The following TAOK2 variants were observed in gnomAD, a reference collection of about 807,000 sequenced individuals.
TAOK2 encodes the protein TAO kinase 2, also known as serine/threonine-protein kinase TAO2.
A neutral mutation model predicts 122.5 loss-of-function variants in TAOK2; 42 were observed. That is an observed-to-expected ratio of 0.34 (90% CI 0.27 to 0.44). The LOEUF (loss-of-function observed/expected upper bound fraction) is 0.44. Among genes scored for constraint, TAOK2 ranks in the 20% least tolerant of loss-of-function variants. The probability of loss-of-function intolerance (pLI) is 1.00; values close to 1 mark genes in which losing one functional copy is unlikely to be tolerated. For synonymous variants in TAOK2, 704 were observed against 677.6 expected, an observed-to-expected ratio of 1.04 and a Z score of -0.61; for missense variants, 1,264 against 1,644.9, an observed-to-expected ratio of 0.77 and a Z score of 4.01.
In TAOK2 at chr16:29,976,671, A is replaced by G. The variant is rs999866791; in HGVS notation, c.-35-1067A>G. On this transcript the variant is annotated intron_variant, in intron 1 of 15. Coordinates refer to ENST00000308893, the MANE Select transcript of TAOK2 (RefSeq NM_016151.4). ...TTGGGTGCCCTAGGTGCTCTTCCCA[A>G]TGGCTGGAGTGGTCAGGACAGGCTT... 3.9e-5 allele frequency among the ~76,000 whole-genome samples: 6 copies of G among 152,158 alleles called. No homozygotes were observed. In the East Asian group the frequency reaches 5.8e-4, roughly 15 times the overall value.
At chr16:29,990,667 TGATA>T, downstream of TAOK2, 1 of 983,116 alleles carries the variant, frequency 1.0e-6, no homozygotes, top group Middle Eastern at 2.8e-4. Context: ...TCTTCCATTC[TGATA>T]GATGTTGAGA....
At chr16:29,983,365 C>T (rs368203097) in intron 12 of TAOK2, 33 bp downstream of exon 12, 2 of 1,573,896 alleles carry the variant, frequency 1.3e-6, no homozygotes, top group African/African-American at 1.3e-5. Context: ...ACCCGAGCCA[C>T]CTGCTCTAGA....
At position 29,985,506 on chromosome 16, in the gene TAOK2, G is replaced by C; in HGVS notation, c.1716G>C (p.Gln572His). The C allele has an allele frequency of 6.2e-7, 1 of 1,611,884 alleles. No homozygotes were observed. Among genetic ancestry groups the C allele is most frequent in the Non-Finnish European group, 8.5e-7 (1 of 1,178,906 alleles). Residue 572 changes from glutamine (Q) to histidine (H), a missense_variant, in exon 14 of 16, where the codon CAG (glutamine) becomes CAC (histidine). Transcript: ENST00000308893. This position sits in a 1 kb window ranked among gnomAD's most constrained non-coding sequence, Gnocchi z 6.9. Reference protein sequence around the residue: ...RKFQQHILGQQKKELAALLEA... With the variant: ...RKFQQHILGQHKKELAALLEA... ...TCCAGCAGCACATCCTTGGGCAGCA[G>C]AAGAAGGAGCTGGCTGCCCTGCTGG...
Position 29,983,086 on chromosome 16 carries a change from C to T in TAOK2, c.1014C>T (p.Tyr338=), listed in dbSNP as rs1324405309. 3 of 1,614,048 alleles carry T rather than the reference C, an allele frequency of 1.9e-6. No homozygotes were observed. Among genetic ancestry groups the T allele is most frequent in the Non-Finnish European group, 2.5e-6 (3 of 1,180,018 alleles). Residue 338 remains tyrosine, a synonymous_variant, in exon 12 of 16, where the codon TAC becomes TAT. Transcript: ENST00000308893. ...APEEEEEAEP[Y]MHRAGTLTSL... ...CCTGTTCGCAGGAGGCCGAGCCCTACATGCACCGGGCCGGGACTCTGACCA... is the reference window on the plus strand; with the variant it reads ...CCTGTTCGCAGGAGGCCGAGCCCTATATGCACCGGGCCGGGACTCTGACCA...
chr16:29,977,217 A>T (rs1257818368), intron 1 of TAOK2, among the ~76,000 whole-genome samples: 1 of 152,048 alleles, frequency 6.6e-6, no homozygotes, highest in East Asian at 1.9e-4. Context: ...CCTCTGGGCC[A>T]GTACCCACTT....
chr16:29,977,737 G>A lies in TAOK2; in HGVS notation c.-35-1G>A. On this transcript the variant is annotated splice_acceptor_variant, in intron 1 of 15. Coordinates refer to ENST00000308893, the MANE Select transcript of TAOK2 (RefSeq NM_016151.4). LOFTEE classifies it low-confidence loss of function (5UTR_SPLICE). ...CTAAGGGTCCCATTTCCATTCCTCA[G>A]GCCAGGCCCCACTCTCAGGGCCCCC... is the stretch of plus-strand genomic sequence containing the variant. 1 of 1,612,600 alleles carries A rather than the reference G, an allele frequency of 6.2e-7. No individual in the cohort carries two copies. Among genetic ancestry groups the A allele is most frequent in the Non-Finnish European group, 8.5e-7 (1 of 1,179,540 alleles).
At chr16:29,990,868 C>A, downstream of TAOK2, 1 of 1,613,692 alleles carries the variant, frequency 6.2e-7, no homozygotes, top group Non-Finnish European at 8.5e-7. Context: ...CAACGCTTAC[C>A]AGAGCAAGAT....
downstream of TAOK2, chr16:29,989,635 A>G: frequency 6.2e-7 from 1 of 1,614,080 alleles, no homozygotes; most frequent in South Asian, 1.1e-5. Context: ...GGAGACGTGT[A>G]AGATCCAGAC....
chr16:29,977,077 T>G (rs1427456301), intron 1 of TAOK2, among the ~76,000 whole-genome samples: 1 of 152,220 alleles, frequency 6.6e-6, no homozygotes. Context: ...GTGTGATGCT[T>G]ATGCAGTTGG....
downstream of TAOK2, chr16:29,989,564 C>T (rs958332233): frequency 1.9e-6 from 3 of 1,611,958 alleles, no homozygotes; most frequent in Admixed American, 1.7e-5. Context: ...CCGCTGCCCC[C>T]ATCTCCCCTT....
intron 10 of TAOK2, among the ~76,000 whole-genome samples, chr16:29,982,272 G>A (rs1392471555): frequency 1.3e-5 from 2 of 152,226 alleles, no homozygotes; most frequent in Non-Finnish European, 2.9e-5. Flanking sequence ...GCCTTATCAT[G>A]GGTAAATGTA....
In TAOK2 at chr16:29,982,250, A is replaced by G. The variant is rs553116056; in HGVS notation, c.831+310A>G. Among the ~76,000 whole-genome samples, 4 of 152,350 alleles carry G rather than the reference A, an allele frequency of 2.6e-5. No homozygotes were observed. In the East Asian group the frequency reaches 7.7e-4, roughly 29 times the overall value. On this transcript the variant is annotated intron_variant, in intron 10 of 15. Coordinates refer to ENST00000308893, the MANE Select transcript of TAOK2 (RefSeq NM_016151.4). ...CACTGATCTGATGTAATGCAAGCCA[A>G]AAGCCTGTGTAGCCTTATCATGGGT...
chr16:29,978,380 A>T, intron 4 of TAOK2, 27 bp downstream of exon 4: 1 of 1,607,580 alleles, frequency 6.2e-7, no homozygotes, highest in Non-Finnish European at 8.5e-7. Flanking sequence ...TTCTGGCCTG[A>T]TCTTTACTCC....
downstream of TAOK2, chr16:29,989,216 C>T (rs950257648): frequency 5.1e-6 from 5 of 985,166 alleles, no homozygotes; most frequent in African/African-American, 8.7e-5. Flanking sequence ...TCCCTCTTTG[C>T]CTGGTCAGAG....
chr16:29,982,662 G>T, intron 10 of TAOK2, 72 bp from the exon 11 acceptor site: 1 of 1,559,890 alleles, frequency 6.4e-7, no homozygotes, highest in Non-Finnish European at 8.7e-7. Context: ...TCAGGCCTGA[G>T]GGAATGCCAA....
At chr16:29,978,590 A>G (rs2069527143) in intron 4 of TAOK2, among the ~76,000 whole-genome samples, 1 of 152,078 alleles carries the variant, frequency 6.6e-6, no homozygotes, top group African/African-American at 2.4e-5. Context: ...TGGAGATTGA[A>G]TGGGAGTTTG....
chr16:29,973,892 A>T lies in TAOK2; in HGVS notation c.-792A>T, dbSNP rs538793308. 6.6e-6 allele frequency: 1 copy of T among 152,424 alleles called. No individual in the cohort carries two copies. Among genetic ancestry groups the T allele is most frequent in the East Asian group, 1.9e-4 (1 of 5,206 alleles). 9.4% of individuals were successfully genotyped at this position (152,424 alleles called of 1,614,324 possible). ...TCTCCATCTTGGAATTGGGAGGAAG[A>T]GGGAGAGGGAGACCGGGACGAGACC... On this transcript the variant is annotated 5_prime_UTR_variant, in exon 1 of 16. Transcript: ENST00000308893.
At chr16:29,983,419 C>G in intron 12 of TAOK2, 84 bp from the exon 13 acceptor site, 1 of 1,561,758 alleles carries the variant, frequency 6.4e-7, no homozygotes, top group Non-Finnish European at 8.7e-7. Context: ...CAGCACTCCT[C>G]TGAGTCTGAT....
Position 29,985,172 on chromosome 16 carries a change from G to A in TAOK2, c.1423-41G>A, listed in dbSNP as rs1475946226. On this transcript the variant is annotated intron_variant, in intron 13 of 15. Transcript: ENST00000308893. The surrounding 1 kb of genome is among the most constrained non-coding windows in gnomAD (Gnocchi z 6.9). ...GACCCCTTGTGTTAATTAACTAGGG[G>A]CCAGGCTGAGCCCCAGCTCTCACCC... 6.8e-7 allele frequency: 1 copy of A among 1,475,382 alleles called. No individual in the cohort carries two copies. Among genetic ancestry groups the A allele is most frequent in the Non-Finnish European group, 9.0e-7 (1 of 1,111,730 alleles). The allele number at this position is 1,475,382 out of a possible 1,614,324, so 91.4% of individuals were successfully genotyped here. A position where few individuals can be genotyped will look rare whatever the true frequency, so the allele number is the denominator to read the frequency against.
Sources: gnomAD v4.1 joint callset for allele counts (sites outside exome capture counted in the v4.1 genomes callset) on GRCh38, gnomAD v4.1.1 for gene constraint, Gnocchi (gnomAD v3.1) non-coding constraint, MANE v1.5 for transcripts, NCBI Gene and HGNC (gene_info 2026-07-23, HGNC 2026-07-21) for gene names.